The following FBXW11 variants were observed in gnomAD, a reference collection of about 807,000 sequenced individuals.
The protein encoded by FBXW11 is F-box/WD repeat-containing protein 11.
FBXW11 carries 19 observed loss-of-function variants against 77.6 expected under a neutral mutation model. That is an observed-to-expected ratio of 0.24 (90% CI 0.17 to 0.36). The LOEUF is 0.36. FBXW11 is among the 10% of genes least tolerant of loss of function. The pLI is 1.00. For synonymous variants in FBXW11, 235 were observed against 249.4 expected (o/e 0.94, Z 0.54); for missense variants, 334 against 704.2 (o/e 0.47, Z 5.95).
intron 1 of FBXW11, among the ~76,000 whole-genome samples, chr5:171,979,372 T>C (rs1252279897): frequency 6.6e-6 from 1 of 152,166 alleles, no homozygotes; most frequent in Admixed American, 6.6e-5. Context: ...TGTATATGTA[T>C]AGATGAAGGA....
chr5:171,893,442 A>AAAAAAAAAC (rs1394005811), intron 6 of FBXW11, among the ~76,000 whole-genome samples: 1 of 149,568 alleles, frequency 6.7e-6, no homozygotes, highest in African/African-American at 2.4e-5. Context: ...AAAAAAAAAA[A>AAAAAAAAAC]AAAAACTAAC....
chr5:171,937,974 A>T (rs1271082675), intron 2 of FBXW11, among the ~76,000 whole-genome samples: 3 of 152,232 alleles, frequency 2.0e-5, no homozygotes, highest in African/African-American at 7.2e-5. Context: ...CAAATAAAAG[A>T]ACTAATATCC....
intron 1 of FBXW11, among the ~76,000 whole-genome samples, chr5:171,960,613 AAAAAAT>A (rs1254881842): frequency 6.6e-6 from 1 of 152,242 alleles, no homozygotes; most frequent in Non-Finnish European, 1.5e-5. Context: ...TCAGTAAATC[AAAAAAT>A]CACAGATTGT....
At chr5:171,918,906 G>A (rs966026925) in intron 2 of FBXW11, among the ~76,000 whole-genome samples, 1 of 152,118 alleles carries the variant, frequency 6.6e-6, no homozygotes, top group African/African-American at 2.4e-5. Flanking sequence ...CTCTCCACTT[G>A]AAAACCAGTG....
chr5:171,913,818 TACACACACACACAC>T (rs1161644281), intron 3 of FBXW11, among the ~76,000 whole-genome samples: 79 of 65,376 alleles, frequency 1.2e-3, no homozygotes, highest in Middle Eastern at 6.5e-3. Context: ...CACACACACA[TACACACACACACAC>T]ACACACACAC....
intron 1 of FBXW11, among the ~76,000 whole-genome samples, chr5:171,963,654 C>G (rs1378575363): frequency 6.6e-6 from 1 of 152,082 alleles, no homozygotes; most frequent in African/African-American, 2.4e-5. Flanking sequence ...GGAATAGAAA[C>G]AGATCATGCA....
intron 2 of FBXW11, among the ~76,000 whole-genome samples, chr5:171,926,541 G>C (rs532276560): frequency 6.6e-6 from 1 of 152,100 alleles, no homozygotes; most frequent in African/African-American, 2.4e-5. Flanking sequence ...GAGTTCTCAC[G>C]AGACCTGATT....
rs1024110717 is a variant in FBXW11 at position 171,976,788 on chromosome 5, T to C, written c.46-19090A>G. ...TGGGCCGGGTGTGGTCGTTCACGCC[T>C]GTAACCCCAGCAATTTGGGAGCCCA... On this transcript the variant is annotated intron_variant, in intron 1 of 13. Transcript: ENST00000517395. 2.6e-5 allele frequency among the ~76,000 whole-genome samples: 4 copies of C among 152,104 alleles called. No individual in the cohort carries two copies. In the East Asian group the frequency reaches 7.7e-4, roughly 29 times the overall value.
intron 10 of FBXW11, among the ~76,000 whole-genome samples, chr5:171,872,455 G>A (rs1757813143): frequency 6.6e-6 from 1 of 152,182 alleles, no homozygotes; most frequent in Non-Finnish European, 1.5e-5. Context: ...TGCTGGGAAG[G>A]AAAAAGAGAG....
At chr5:171,997,315 A>C (rs1766113569) in intron 1 of FBXW11, among the ~76,000 whole-genome samples, 1 of 152,216 alleles carries the variant, frequency 6.6e-6, no homozygotes, top group African/African-American at 2.4e-5. Flanking sequence ...CAACTTCCAA[A>C]TGAGAGCAGC....
chr5:171,943,810 G>T (rs1203739857), intron 2 of FBXW11, among the ~76,000 whole-genome samples: 1 of 152,186 alleles, frequency 6.6e-6, no homozygotes, highest in African/African-American at 2.4e-5. Flanking sequence ...CTGCTCAGGG[G>T]AAAGAGTTGC....
intron 6 of FBXW11, 55 bp from the exon 7 acceptor site, chr5:171,891,659 G>A (rs752162984): frequency 9.6e-6 from 15 of 1,560,130 alleles, no homozygotes; most frequent in Middle Eastern, 1.7e-4. Flanking sequence ...TACTCTATTA[G>A]GTTTCAGACT....
intron 7 of FBXW11, among the ~76,000 whole-genome samples, chr5:171,886,542 T>C (rs190669747): frequency 0.026 from 3,962 of 151,892 alleles, 160 homozygotes; most frequent in African/African-American, 0.09. Flanking sequence ...CTGCACGTTG[T>C]GCACATGTAC....
intron 13 of FBXW11, 34 bp from the exon 14 acceptor site, chr5:171,864,135 G>C (rs1260096071): frequency 1.3e-5 from 2 of 152,188 alleles, no homozygotes; most frequent in Admixed American, 6.5e-5. Flanking sequence ...AAGGGAGTGT[G>C]GGTGAACATT....
Position 171,888,457 on chromosome 5 carries a change from T to C in FBXW11, c.852+3010A>G, listed in dbSNP as rs139613780. Among the ~76,000 whole-genome samples, 538 of 152,290 alleles carry C rather than the reference T, an allele frequency of 3.5e-3. 2 individuals carry two copies. Among genetic ancestry groups the C allele is most frequent in the African/African-American group, 0.012 (516 of 41,574 alleles). On this transcript the variant is annotated intron_variant, in intron 7 of 13. Coordinates refer to ENST00000517395, the MANE Select transcript of FBXW11 (RefSeq NM_001378974.1). ...CCATGACAGACGCAAAGTGGCATAT[T>C]GCAAAGGCTTTGAACAGTGGAAAAG...
intron 1 of FBXW11, among the ~76,000 whole-genome samples, chr5:171,977,230 T>C (rs551022048): frequency 1.4e-5 from 2 of 145,668 alleles, no homozygotes; most frequent in East Asian, 4.1e-4. Context: ...GCTTGAACCC[T>C]GCCTAGAAAG....
chr5:171,921,842 A>C (rs1761614906), intron 2 of FBXW11, among the ~76,000 whole-genome samples: 2 of 152,098 alleles, frequency 1.3e-5, no homozygotes, highest in Admixed American at 1.3e-4. Flanking sequence ...GGGCTCAAGC[A>C]ATCTTCCCAC....
chr5:171,872,114 A>G (rs543731963), intron 10 of FBXW11, among the ~76,000 whole-genome samples: 1 of 152,318 alleles, frequency 6.6e-6, no homozygotes, highest in Admixed American at 6.5e-5. Flanking sequence ...ATAATCTTAA[A>G]CCCAATCTTT....
At chr5:171,937,335 T>C (rs918467456) in intron 2 of FBXW11, among the ~76,000 whole-genome samples, 1 of 152,186 alleles carries the variant, frequency 6.6e-6, no homozygotes, top group South Asian at 2.1e-4. Flanking sequence ...AAAAGCAAGA[T>C]ACTTTCATAG....
Sources: allele counts gnomAD v4.1 joint callset (sites outside exome capture counted in the v4.1 genomes callset), GRCh38; gene constraint gnomAD v4.1.1; transcripts MANE v1.5; gene names NCBI Gene and HGNC (gene_info 2026-07-23, HGNC 2026-07-21).